Variants in CCDC102B observed in about 807,000 individuals in gnomAD.
CCDC102B encodes coiled-coil domain-containing protein 102B.
In CCDC102B, 75 loss-of-function variants were observed where a neutral mutation model predicts 57.4. The ratio of observed to expected loss-of-function variants is 1.31; its 90% confidence interval spans 1.08 to 1.58. CCDC102B has a LOEUF of 1.58. Among genes scored for constraint, CCDC102B ranks in the 40% most tolerant of loss-of-function variants. The probability of loss-of-function intolerance (pLI) is 0.00; values close to 1 mark genes in which losing one functional copy is unlikely to be tolerated. For missense variants in CCDC102B, 636 were observed against 582.6 expected (o/e 1.09, Z -0.94); for synonymous variants, 206 against 201.9 (o/e 1.02, Z -0.17).
chr18:68,953,700 A>G (rs1465804181), intron 6 of CCDC102B, among the ~76,000 whole-genome samples: 3 of 152,144 alleles, frequency 2.0e-5, no homozygotes, highest in East Asian at 3.9e-4. Flanking sequence ...ACATGTTCTT[A>G]CCACAATAAA....
intron 7 of CCDC102B, among the ~76,000 whole-genome samples, chr18:69,050,980 G>T (rs2052689926): frequency 6.6e-6 from 1 of 152,098 alleles, no homozygotes; most frequent in Admixed American, 6.6e-5. Flanking sequence ...GAACTCCTGG[G>T]CCCAAGCCAT....
At chr18:68,881,699 A>G (rs1243267935) in intron 5 of CCDC102B, among the ~76,000 whole-genome samples, 4 of 152,064 alleles carry the variant, frequency 2.6e-5, no homozygotes, top group Non-Finnish European at 5.9e-5. Flanking sequence ...AAACATCAGA[A>G]CTTCTTGAGT....
intron 2 of CCDC102B, among the ~76,000 whole-genome samples, chr18:68,730,206 C>CTTCATTTA (rs1468833714): frequency 4.6e-5 from 7 of 152,014 alleles, no homozygotes; most frequent in Admixed American, 2.0e-4. Flanking sequence ...TCCATTATTA[C>CTTCATTTA]GTACTTCAGA....
intron 6 of CCDC102B, among the ~76,000 whole-genome samples, chr18:68,924,357 G>A (rs1278378668): frequency 6.6e-6 from 1 of 151,960 alleles, no homozygotes; most frequent in African/African-American, 2.4e-5. Flanking sequence ...AGATCTGATG[G>A]TTTAATAAGG....
chr18:68,931,805 T>C (rs982183743), intron 6 of CCDC102B, among the ~76,000 whole-genome samples: 2 of 151,876 alleles, frequency 1.3e-5, no homozygotes, highest in Non-Finnish European at 2.9e-5. Flanking sequence ...CCATATCCAT[T>C]GGCTAAAACT....
chr18:68,727,071 A>G (rs1599375176), intron 2 of CCDC102B, among the ~76,000 whole-genome samples: 1 of 152,200 alleles, frequency 6.6e-6, no homozygotes, highest in African/African-American at 2.4e-5. Context: ...TTGGGATACA[A>G]TTGGCTCCAT....
At chr18:68,877,937 T>C (rs2045270712) in intron 5 of CCDC102B, among the ~76,000 whole-genome samples, 2 of 152,058 alleles carry the variant, frequency 1.3e-5, no homozygotes, top group African/African-American at 2.4e-5. Context: ...TGGCCATTAA[T>C]TGAATGAATG....
chr18:68,990,795 A>G (rs758437471), intron 6 of CCDC102B, among the ~76,000 whole-genome samples: 1 of 152,136 alleles, frequency 6.6e-6, no homozygotes, highest in Non-Finnish European at 1.5e-5. Flanking sequence ...TCTTTTATAG[A>G]TATAGGTACT....
At position 68,818,293 on chromosome 18, in the gene CCDC102B, T is replaced by C. The variant is rs1337962994; in HGVS notation, c.-15-18456T>C. Reference sequence around the variant, plus strand: ...TGTTTATCGTGTCTATTCTCCTGCTTAATCTGGAAGCTAATTGAAAGCTAG... The same window carrying C: ...TGTTTATCGTGTCTATTCTCCTGCTCAATCTGGAAGCTAATTGAAAGCTAG... On this transcript the variant is annotated intron_variant, in intron 1 of 7. Transcript: ENST00000360242. 2.0e-5 allele frequency among the ~76,000 whole-genome samples: 3 copies of C among 152,164 alleles called. No homozygotes were observed. In the East Asian group the frequency reaches 5.8e-4, roughly 29 times the overall value.
At position 68,853,637 on chromosome 18, in the gene CCDC102B, A is replaced by G. The variant is rs73967725; in HGVS notation, c.936+7216A>G. 8.3e-3 allele frequency among the ~76,000 whole-genome samples: 1,162 copies of G among 140,240 alleles called. 13 individuals carry two copies. The highest frequency in any genetic ancestry group is 0.027 in the African/African-American group (1,023 of 37,802). 92.0% of individuals were successfully genotyped at this position (140,240 alleles called of 152,430 possible). ...AATTGTTTTCTCATTTCAAATATTT[A>G]CTTTTATTCCGAATTTTTCTTTATC... On this transcript the variant is annotated intron_variant, in intron 4 of 7. Transcript: ENST00000360242.
At chr18:68,853,224 T>A (rs1431648820) in intron 4 of CCDC102B, among the ~76,000 whole-genome samples, 2 of 152,198 alleles carry the variant, frequency 1.3e-5, no homozygotes, top group Non-Finnish European at 2.9e-5. Context: ...TGAAATGTAC[T>A]TGATAATGCA....
intron 6 of CCDC102B, among the ~76,000 whole-genome samples, chr18:68,994,964 G>T (rs964215142): frequency 2.6e-5 from 4 of 152,212 alleles, no homozygotes; most frequent in African/African-American, 9.6e-5. Context: ...ATGTGGGAAG[G>T]TTTGGAACTC....
At chr18:68,838,574 T>G (rs1303356638) in intron 2 of CCDC102B, 132 bp from the exon 3 acceptor site, 8 of 1,440,428 alleles carry the variant, frequency 5.6e-6, no homozygotes, top group African/African-American at 1.4e-5. Flanking sequence ...CACAACACTT[T>G]CAGGGAATGA....
chr18:68,839,800 CAG>C (rs2037548480), intron 3 of CCDC102B, among the ~76,000 whole-genome samples: 1 of 152,252 alleles, frequency 6.6e-6, no homozygotes, highest in Admixed American at 6.5e-5. Flanking sequence ...CTTAAGAACA[CAG>C]AGAGAAGAAA....
At chr18:68,870,871 A>G (rs2039213986) in intron 4 of CCDC102B, among the ~76,000 whole-genome samples, 1 of 152,206 alleles carries the variant, frequency 6.6e-6, no homozygotes, top group African/African-American at 2.4e-5. Context: ...CAAAATGACG[A>G]TAGGGTGTGT....
At chr18:68,722,762 A>G (rs2145188046) in intron 2 of CCDC102B, among the ~76,000 whole-genome samples, 1 of 152,304 alleles carries the variant, frequency 6.6e-6, no homozygotes, top group South Asian at 2.1e-4. Context: ...ACTTCCTAAG[A>G]TATGAAAATA....
intron 7 of CCDC102B, among the ~76,000 whole-genome samples, chr18:69,019,221 G>A (rs1233353690): frequency 6.6e-6 from 1 of 151,950 alleles, no homozygotes; most frequent in Non-Finnish European, 1.5e-5. Flanking sequence ...TGTATTTTGA[G>A]CATTTTTTTC....
chr18:68,900,689 G>A (rs1180068539), intron 6 of CCDC102B, among the ~76,000 whole-genome samples: 5 of 152,022 alleles, frequency 3.3e-5, no homozygotes, highest in Admixed American at 6.6e-5. Flanking sequence ...GTAAAATAGT[G>A]TATCTATATA....
chr18:68,965,627 T>TA (rs1231807728), intron 6 of CCDC102B, among the ~76,000 whole-genome samples: 1 of 151,304 alleles, frequency 6.6e-6, no homozygotes, highest in East Asian at 1.9e-4. Flanking sequence ...TATATATATA[T>TA]AAAAAACCAG....
Sources: gnomAD v4.1 joint callset for allele counts (sites outside exome capture counted in the v4.1 genomes callset) on GRCh38, gnomAD v4.1.1 for gene constraint, MANE v1.5 for transcripts, NCBI Gene and HGNC (gene_info 2026-07-23, HGNC 2026-07-21) for gene names.